NEO1: variants seen among roughly 807,000 people sequenced by gnomAD.
The protein encoded by NEO1 is neogenin 1, also known as neogenin.
Under a neutral mutation model 159.7 loss-of-function variants are expected in NEO1, and 63 were observed. The ratio of observed to expected loss-of-function variants is 0.39; its 90% confidence interval spans 0.32 to 0.49. The LOEUF (loss-of-function observed/expected upper bound fraction) is 0.49, where lower values mean the gene tolerates loss of function less well. NEO1 is among the 20% of genes least tolerant of loss of function. NEO1 has a pLI of 0.85. For missense variants in NEO1, 1,615 were observed against 1,831.0 expected (o/e 0.88, Z 2.15); for synonymous variants, 633 against 662.0 (o/e 0.96, Z 0.67).
At chr15:73,248,909 A>T (rs1186705792) in intron 9 of NEO1, 151 bp from the exon 10 acceptor site, 11 of 681,288 alleles carry the variant, frequency 1.6e-5, no homozygotes, top group Non-Finnish European at 2.6e-5. Context: ...ATGTGTTTAT[A>T]TATTATTCTA....
chr15:73,113,212 A>G (rs575837066), intron 1 of NEO1, among the ~76,000 whole-genome samples: 1 of 151,870 alleles, frequency 6.6e-6, no homozygotes, highest in Non-Finnish European at 1.5e-5. Context: ...TAGTTTTGTA[A>G]ACACTCATCA....
intron 15 of NEO1, among the ~76,000 whole-genome samples, chr15:73,263,275 C>T (rs1167171772): frequency 6.6e-6 from 1 of 151,018 alleles, no homozygotes; most frequent in African/African-American, 2.4e-5. Flanking sequence ...CTCACTGCAA[C>T]CTCCACCTCC....
intron 15 of NEO1, among the ~76,000 whole-genome samples, chr15:73,263,617 AC>A (rs2040741513): frequency 7.4e-6 from 1 of 134,978 alleles, no homozygotes; most frequent in African/African-American, 2.5e-5. Context: ...TTTTTGAAAC[AC>A]TTGTTTCTAA....
intron 2 of NEO1, among the ~76,000 whole-genome samples, chr15:73,117,499 C>T (rs1567230969): frequency 6.6e-6 from 1 of 152,162 alleles, no homozygotes; most frequent in Non-Finnish European, 1.5e-5. Context: ...TGTTTCTTTA[C>T]TTGAGTACCA....
intron 16 of NEO1, among the ~76,000 whole-genome samples, 162 bp from the exon 17 acceptor site, chr15:73,269,848 A>G (rs2041092547): frequency 6.6e-6 from 1 of 152,206 alleles, no homozygotes; most frequent in Non-Finnish European, 1.5e-5. Context: ...ACAAGTGGAA[A>G]TAGTCTTTTA....
chr15:73,290,896 T>G (rs1025386345), intron 25 of NEO1, among the ~76,000 whole-genome samples: 2 of 152,150 alleles, frequency 1.3e-5, no homozygotes, highest in African/African-American at 4.8e-5. Context: ...GGTGGAAGCT[T>G]CAAGCACGTG....
intron 15 of NEO1, among the ~76,000 whole-genome samples, chr15:73,264,291 G>C (rs2040782413): frequency 6.6e-6 from 1 of 152,202 alleles, no homozygotes; most frequent in Admixed American, 6.5e-5. Context: ...CATGGTCCTT[G>C]ATCTTCAGGT....
chr15:73,134,773 C>T (rs1472401726), intron 4 of NEO1, among the ~76,000 whole-genome samples: 1 of 151,998 alleles, frequency 6.6e-6, no homozygotes, highest in East Asian at 1.9e-4. Flanking sequence ...CTTTGGGAGG[C>T]CGGGGCGGGT....
At chr15:73,200,825 A>T (rs375606132) in intron 7 of NEO1, among the ~76,000 whole-genome samples, 1 of 151,878 alleles carries the variant, frequency 6.6e-6, no homozygotes, top group East Asian at 1.9e-4. Context: ...CTGGGTCCAC[A>T]GGTGTGTGCC....
chr15:73,294,381 A>G (rs999887240), intron 26 of NEO1, among the ~76,000 whole-genome samples: 37 of 152,212 alleles, frequency 2.4e-4, no homozygotes, highest in Non-Finnish European at 1.2e-4. Flanking sequence ...AAACTTGCCT[A>G]TTAATAGTTA....
At position 73,061,987 on chromosome 15, in the gene NEO1, C is replaced by T. The variant is rs537514790; in HGVS notation, c.130+9182C>T. 3.3e-5 allele frequency among the ~76,000 whole-genome samples: 5 copies of T among 152,238 alleles called. No individual in the cohort carries two copies. The East Asian group carries it at 7.7e-4, about 24-fold the overall frequency. ...TTGCAAACAAATGATGCAGTGAACC[C>T]ACGTTTATAAATGTCCCCATTTGTG... On this transcript the variant is annotated intron_variant, in intron 1 of 28. Transcript: ENST00000261908.
chr15:73,186,049 A>G (rs1178546515), intron 7 of NEO1, among the ~76,000 whole-genome samples: 2 of 152,132 alleles, frequency 1.3e-5, no homozygotes, highest in Non-Finnish European at 2.9e-5. Context: ...TGTACACATC[A>G]TAGTCAAACT....
intron 27 of NEO1, among the ~76,000 whole-genome samples, chr15:73,299,431 G>C (rs2042516116): frequency 1.3e-5 from 2 of 151,158 alleles, no homozygotes; most frequent in Non-Finnish European, 1.5e-5. Context: ...TGTCACCCAG[G>C]CTGGAGTACA....
At chr15:73,192,231 C>T (rs193081888) in intron 7 of NEO1, among the ~76,000 whole-genome samples, 3 of 152,030 alleles carry the variant, frequency 2.0e-5, no homozygotes, top group Admixed American at 2.0e-4. Flanking sequence ...GGAGCCTATG[C>T]GTGTGTGTTT....
Position 73,117,907 on chromosome 15 carries a change from T to C in NEO1, c.448+1050T>C, listed in dbSNP as rs182058753. On this transcript the variant is annotated intron_variant, in intron 2 of 28. Transcript: ENST00000261908. ...TTCTACCCTCCCTTCCTTGCTTCCT[T>C]CTTTCCTCTTTTTATTTTTCTTCCT... Among the ~76,000 whole-genome samples, 104 of 151,912 alleles carry C rather than the reference T, an allele frequency of 6.8e-4. 1 individual carries two copies. The highest frequency in any genetic ancestry group is 2.8e-3 in the Admixed American group (42 of 15,248).
chr15:73,207,615 A>G (rs944969669), intron 7 of NEO1, among the ~76,000 whole-genome samples: 9 of 152,204 alleles, frequency 5.9e-5, no homozygotes, highest in African/African-American at 1.7e-4. Flanking sequence ...TCTACTTTAT[A>G]TGTAATACAG....
chr15:73,082,176 A>G (rs1472669362), intron 1 of NEO1, among the ~76,000 whole-genome samples: 1 of 152,166 alleles, frequency 6.6e-6, no homozygotes. Context: ...GCCCAGCCTA[A>G]ATACTTGATA....
chr15:73,109,108 C>T (rs566545194), intron 1 of NEO1, among the ~76,000 whole-genome samples: 11 of 152,112 alleles, frequency 7.2e-5, no homozygotes, highest in African/African-American at 2.7e-4. Context: ...TTACACATAA[C>T]AGTTGTCAAA....
intron 6 of NEO1, among the ~76,000 whole-genome samples, chr15:73,177,767 C>T (rs180878870): frequency 6.6e-6 from 1 of 152,098 alleles, no homozygotes; most frequent in African/African-American, 2.4e-5. Flanking sequence ...TCTTCAGCGC[C>T]TGGGCTCAAG....
Sources: allele counts gnomAD v4.1 joint callset (sites outside exome capture counted in the v4.1 genomes callset), GRCh38; gene constraint gnomAD v4.1.1; transcripts MANE v1.5; gene names NCBI Gene and HGNC (gene_info 2026-07-23, HGNC 2026-07-21).